PDXDC1: variants seen among roughly 807,000 people sequenced by gnomAD.
The protein encoded by PDXDC1 is pyridoxal dependent decarboxylase domain containing 1.
In PDXDC1, 42 loss-of-function variants were observed where a neutral mutation model predicts 100.1. The ratio of observed to expected loss-of-function variants is 0.42; its 90% CI spans 0.33 to 0.54. PDXDC1 has a LOEUF of 0.54. Ranked by LOEUF, PDXDC1 falls within the 20% of genes least tolerant of loss-of-function variation. The probability of loss-of-function intolerance (pLI) is 0.10; values close to 1 mark genes in which losing one functional copy is unlikely to be tolerated. For missense variants in PDXDC1, 636 were observed against 979.2 expected (o/e 0.65, Z 4.68); for synonymous variants, 260 against 371.7 (o/e 0.70, Z 3.46).
chr16:15,057,779 T>C (rs552852662), intron 16 of PDXDC1, among the ~76,000 whole-genome samples: 89 of 152,294 alleles, frequency 5.8e-4, no homozygotes, highest in African/African-American at 2.1e-3. Context: ...AAGTGAGGCA[T>C]TTGGAAGTGC....
chr16:15,142,802 T>G (rs2048495544), downstream of PDXDC1, among the ~76,000 whole-genome samples: 1 of 151,736 alleles, frequency 6.6e-6, no homozygotes, highest in South Asian at 2.1e-4. Context: ...CGCTGTCTGA[T>G]GCCCTGCCCC....
intron 16 of PDXDC1, among the ~76,000 whole-genome samples, chr16:15,043,931 G>A (rs1406211391): frequency 2.0e-5 from 3 of 151,936 alleles, no homozygotes; most frequent in Admixed American, 2.0e-4. Context: ...TTGGGCAACA[G>A]AGCAAGACTA....
chr16:15,033,260 G>A lies in PDXDC1; in HGVS notation c.1691-18G>A, dbSNP rs372864023. 1 of 1,613,948 alleles carries A rather than the reference G, an allele frequency of 6.2e-7. No homozygotes were observed. The highest frequency in any genetic ancestry group is 8.5e-7 in the Non-Finnish European group (1 of 1,179,836). ...ACAGAGGACTGAGAAACTCAAGTTT[G>A]TCTCGTTACCTTTGCAGGCCCTGAG... On this transcript the variant is annotated intron_variant, in intron 18 of 22. Coordinates refer to ENST00000396410, the MANE Select transcript of PDXDC1 (RefSeq NM_015027.4).
chr16:15,026,269 C>T (rs1443192418), intron 13 of PDXDC1: 2 of 284,672 alleles, frequency 7.0e-6, no homozygotes, highest in African/African-American at 4.4e-5. Flanking sequence ...ATAAATCCTG[C>T]ATAATTTCTG....
rs1270950013 is a variant in PDXDC1 at position 15,016,380 on chromosome 16, C to T, written c.812+167C>T. ...TAAGCCCAAAGAGATCTTACTGGCT[C>T]ACATAACTACAAAGAGCAGTGTTAT... On this transcript the variant is annotated intron_variant, in intron 9 of 22. Transcript: ENST00000396410. 7.3e-6 allele frequency: 10 copies of T among 1,379,026 alleles called. No individual in the cohort carries two copies. The African/African-American group carries it at 1.0e-4, about 14-fold the overall frequency. The allele number at this position is 1,379,026 out of a possible 1,614,324, so 85.4% of individuals were successfully genotyped here. A position where few individuals can be genotyped will look rare whatever the true frequency, so the allele number is the denominator to read the frequency against.
chr16:15,024,745 T>C (rs1435516486), intron 13 of PDXDC1, among the ~76,000 whole-genome samples: 1 of 152,296 alleles, frequency 6.6e-6, no homozygotes, highest in African/African-American at 2.4e-5. Context: ...ACTGGTTTCT[T>C]ATCTTTCAGA....
At chr16:15,073,205 C>A (rs1883435130) in intron 16 of PDXDC1, 2 of 1,090,148 alleles carry the variant, frequency 1.8e-6, no homozygotes, top group South Asian at 2.8e-5. Context: ...GTGGCTCCTG[C>A]CTGCAATCCC....
intron 16 of PDXDC1, among the ~76,000 whole-genome samples, chr16:15,085,176 C>G (rs1190354812): frequency 1.3e-5 from 2 of 152,184 alleles, no homozygotes; most frequent in Admixed American, 6.5e-5. Flanking sequence ...CCACCAGCAT[C>G]AACGAAAATT....
intron 16 of PDXDC1, among the ~76,000 whole-genome samples, chr16:15,066,205 CA>C (rs1288184119): frequency 6.6e-6 from 1 of 152,190 alleles, no homozygotes; most frequent in African/African-American, 2.4e-5. Context: ...AGCAAAACCA[CA>C]CTGGAGGGTG....
At chr16:15,011,631 C>CTTTTTTTTTTTTTTTTTTTGTTTTT (rs2041287168) in intron 8 of PDXDC1, among the ~76,000 whole-genome samples, 18 of 131,280 alleles carry the variant, frequency 1.4e-4, no homozygotes, top group South Asian at 2.4e-4. Flanking sequence ...ACATTTTTTT[C>CTTTTTTTTTTTTTTTTTTTGTTTTT]TTTTTTTTTT....
At chr16:15,031,285 T>C (rs2043050075) in intron 16 of PDXDC1, among the ~76,000 whole-genome samples, 1 of 152,030 alleles carries the variant, frequency 6.6e-6, no homozygotes, top group Admixed American at 6.5e-5. Flanking sequence ...ACTGCAAAAG[T>C]AAGCCAGTGA....
At chr16:15,089,213 C>A (rs2046022834) in intron 16 of PDXDC1, among the ~76,000 whole-genome samples, 1 of 151,924 alleles carries the variant, frequency 6.6e-6, no homozygotes. Flanking sequence ...ATGGCTTGAA[C>A]CCAGGAGGCA....
chr16:15,068,139 A>C lies in PDXDC1; in HGVS notation c.1399+38083A>C, dbSNP rs2045058019. On this transcript the variant is annotated intron_variant, in intron 16 of 16. Transcript: ENST00000535621. ...AACATAAATAAAAATATTTTAAATA[A>C]CTCCCATCAAGAAAGCGTAAATAAC... is the stretch of plus-strand genomic sequence containing the variant. The C allele has an allele frequency of 2.0e-6, 3 of 1,481,068 alleles. No homozygotes were observed. The East Asian group carries it at 7.3e-5, about 36-fold the overall frequency. The allele number at this position is 1,481,068 out of a possible 1,614,324, so 91.7% of individuals were successfully genotyped here. A position where few individuals can be genotyped will look rare whatever the true frequency, so the allele number is the denominator to read the frequency against.
chr16:15,104,628 T>G (rs754371634), intron 16 of PDXDC1: 2 of 1,598,510 alleles, frequency 1.3e-6, no homozygotes, highest in Non-Finnish European at 1.7e-6. Context: ...CAGGGAGTTA[T>G]CAGTTATAGA....
chr16:15,132,921 G>A (rs1299125166), intron 16 of PDXDC1: 98 of 1,583,810 alleles, frequency 6.2e-5, no homozygotes, highest in South Asian at 2.1e-4. Context: ...GCAGGAGACC[G>A]GCAGGAGGCC....
At chr16:15,077,089 C>A (rs1439779916) in intron 16 of PDXDC1, among the ~76,000 whole-genome samples, 1 of 151,732 alleles carries the variant, frequency 6.6e-6, no homozygotes, top group African/African-American at 2.4e-5. Flanking sequence ...AAGAGATTCT[C>A]CTGCCTCAGC....
chr16:15,041,229 GAA>G, downstream of PDXDC1: 1 of 741,036 alleles, frequency 1.3e-6, no homozygotes, highest in East Asian at 2.6e-5. Context: ...AGAAAGGGAG[GAA>G]AATTCCAGAA....
chr16:15,144,614 C>A, the PDXDC1 span, among the ~76,000 whole-genome samples: 1 of 152,186 alleles, frequency 6.6e-6, no homozygotes, highest in Admixed American at 6.5e-5. Flanking sequence ...CCAGGCTCAG[C>A]GGCATTCTGT....
intron 16 of PDXDC1, chr16:15,084,505 T>A (rs555665666): frequency 4.9e-6 from 3 of 609,096 alleles, no homozygotes; most frequent in Non-Finnish European, 8.5e-6. Context: ...TAGAATGTAA[T>A]GTTTCCTCAA....
Sources: gnomAD v4.1 joint callset for allele counts (sites outside exome capture counted in the v4.1 genomes callset) on GRCh38, gnomAD v4.1.1 for gene constraint, MANE v1.5 for transcripts, NCBI Gene and HGNC (gene_info 2026-07-23, HGNC 2026-07-21) for gene names.